The following KIF1C variants were observed in gnomAD, a reference collection of about 807,000 sequenced individuals.
KIF1C encodes the protein kinesin-like protein KIF1C.
KIF1C carries 61 observed loss-of-function variants against 126.5 expected under a neutral mutation model. The ratio of observed to expected loss-of-function variants is 0.48; its 90% CI spans 0.39 to 0.60. The LOEUF (loss-of-function observed/expected upper bound fraction) is 0.60, where lower values mean the gene tolerates loss of function less well. Among genes scored for constraint, KIF1C ranks in the 20% least tolerant of loss-of-function variants. The pLI is 0.00. For synonymous variants in KIF1C, 640 were observed against 580.6 expected (o/e 1.10, Z -1.47); for missense variants, 1,315 against 1,489.2 (o/e 0.88, Z 1.93).
chr17:5,002,149 G>A lies in KIF1C; in HGVS notation c.429+25G>A, dbSNP rs201794859. 15 of 1,606,166 alleles carry A rather than the reference G, an allele frequency of 9.3e-6. No individual in the cohort carries two copies. In the Middle Eastern group the frequency reaches 8.3e-4, roughly 89 times the overall value. ...GGTAAGCCCGGGTCTTGGTGGCAGG[G>A]CTGAGAGGGGTCCAGACTGCTGAGG... On this transcript the variant is annotated intron_variant, in intron 6 of 22. Coordinates refer to ENST00000320785, the MANE Select transcript of KIF1C (RefSeq NM_006612.6).
chr17:5,015,408 C>T (rs1372391281), intron 18 of KIF1C, among the ~76,000 whole-genome samples: 2 of 151,624 alleles, frequency 1.3e-5, no homozygotes, highest in East Asian at 1.9e-4. Flanking sequence ...CTCAGCCTCC[C>T]GAGTAGCCGG....
chr17:5,014,868 C>G (rs1342644331), intron 18 of KIF1C, 31 bp downstream of exon 18: 9 of 1,524,444 alleles, frequency 5.9e-6, no homozygotes, highest in Non-Finnish European at 8.0e-6. Flanking sequence ...AGAGGCCAGA[C>G]AGGGAGAGAG....
intron 21 of KIF1C, among the ~76,000 whole-genome samples, chr17:5,021,136 A>G (rs938744432): frequency 1.3e-5 from 2 of 149,924 alleles, no homozygotes. Context: ...ACCATATCCA[A>G]GTACCACCTG....
At position 5,022,726 on chromosome 17, in the gene KIF1C, G is replaced by A; in HGVS notation, c.2628+17G>A. ...CTGGCCCAGGTAGGACTGGCCTTCT[G>A]CCTCCCTTCTCTCCTCCCTCGGCTC... is the stretch of plus-strand genomic sequence containing the variant. On this transcript the variant is annotated intron_variant, in intron 22 of 22. Coordinates refer to ENST00000320785, the MANE Select transcript of KIF1C (RefSeq NM_006612.6). The surrounding 1 kb of genome is among the most constrained non-coding windows in gnomAD (Gnocchi z 4.9). The A allele has an allele frequency of 1.3e-6, 2 of 1,505,002 alleles. No homozygotes were observed. Among genetic ancestry groups the A allele is most frequent in the Non-Finnish European group, 1.8e-6 (2 of 1,131,022 alleles). The allele number at this position is 1,505,002 out of a possible 1,614,324, so 93.2% of individuals were successfully genotyped here. A position where few individuals can be genotyped will look rare whatever the true frequency, so the allele number is the denominator to read the frequency against.
Position 5,001,404 on chromosome 17 carries a change from A to G in KIF1C, c.363+3A>G. On this transcript the variant is annotated splice_donor_region_variant and intron_variant, in intron 5 of 22. Transcript: ENST00000320785. ...GGCAGCAGGGCATCGTGCCCCAGGT[A>G]CGCCTAGGACCTGGTGGGGCAGCCA... 6.2e-7 allele frequency: 1 copy of G among 1,613,366 alleles called. No individual in the cohort carries two copies. Among genetic ancestry groups the G allele is most frequent in the Admixed American group, 1.7e-5 (1 of 59,978 alleles).
chr17:5,013,614 T>C, intron 16 of KIF1C, 39 bp from the exon 17 acceptor site: 2 of 1,491,906 alleles, frequency 1.3e-6, no homozygotes, highest in Non-Finnish European at 1.9e-6. Context: ...ATAGCACCCC[T>C]GGCTGGCTCC....
At chr17:5,018,523 C>G (rs1567726947) in intron 18 of KIF1C, among the ~76,000 whole-genome samples, 2 of 151,704 alleles carry the variant, frequency 1.3e-5, no homozygotes, top group Non-Finnish European at 2.9e-5. Flanking sequence ...AACCCCGTCT[C>G]TACTAAAAAT....
Position 5,000,835 on chromosome 17 carries a change from G to T in KIF1C, c.170G>T (p.Trp57Leu). Residue 57 changes from tryptophan to leucine, a missense_variant, in exon 4 of 23, where the codon TGG (tryptophan) becomes TTG (leucine). Trp to Leu is a moderately conservative substitution (Grantham distance 61). Around this residue, in one of 2 missense-constraint regions of KIF1C, gnomAD observed 874 missense variants for 1,053.2 expected, o/e 0.83. Coordinates refer to ENST00000320785, the MANE Select transcript of KIF1C (RefSeq NM_006612.6). ...PKSFTFDYSY[W>L]SHTSTEDPQF... Reference sequence around the variant, plus strand: ...AGCTTCACCTTTGACTACTCCTACTGGTCACACACTTCGGTGGGTTGTTGG... The same window carrying T: ...AGCTTCACCTTTGACTACTCCTACTTGTCACACACTTCGGTGGGTTGTTGG... The T allele has an allele frequency of 6.2e-7, 1 of 1,613,972 alleles. No homozygotes were observed. The highest frequency in any genetic ancestry group is 8.5e-7 in the Non-Finnish European group (1 of 1,179,918).
At chr17:5,006,167 A>G (rs1245085482) in intron 13 of KIF1C, among the ~76,000 whole-genome samples, 1 of 149,604 alleles carries the variant, frequency 6.7e-6, no homozygotes, top group Non-Finnish European at 1.5e-5. Flanking sequence ...AGATGGAGCC[A>G]TTGCACTCCA....
chr17:5,016,955 C>T (rs150541686), intron 18 of KIF1C, among the ~76,000 whole-genome samples: 2 of 151,428 alleles, frequency 1.3e-5, no homozygotes, highest in East Asian at 1.9e-4. Flanking sequence ...GGTTCAGGGT[C>T]AGCCAATCAA....
chr17:5,024,009 AGCAC>A lies in KIF1C; in HGVS notation c.3171_3174del (p.His1058ThrfsTer29). The A allele has an allele frequency of 3.8e-6, 6 of 1,597,590 alleles. No homozygotes were observed. Among genetic ancestry groups the A allele is most frequent in the Non-Finnish European group, 5.1e-6 (6 of 1,171,742 alleles). On this transcript the variant is annotated frameshift_variant, in exon 23 of 23. Coordinates refer to ENST00000320785, the MANE Select transcript of KIF1C (RefSeq NM_006612.6). LOFTEE classifies it high-confidence loss of function. The stretch of plus-strand genomic sequence containing the variant: ...GAACCCCAGCACTTCCAGCCCAAAA[AGCAC>A]AACTCTTATCCCCAGCCACCCCAAC...
Position 5,003,683 on chromosome 17 carries a change from C to T in KIF1C, c.792C>T (p.Arg264=), listed in dbSNP as rs768097667. 2.1e-5 allele frequency: 34 copies of T among 1,613,260 alleles called. No homozygotes were observed. Among genetic ancestry groups the T allele is most frequent in the Non-Finnish European group, 2.7e-5 (32 of 1,179,588 alleles). ...RADSSGARGM[R]LKEGANINKS... is the part of the protein sequence containing the mutation. ...ACTCCTCAGGGGCCCGGGGCATGCG[C>T]CTGAAGGTGAGGGGCCTTCAGAGGG... The change falls in exon 9 of 23, where the codon CGC becomes CGT. Residue 264 remains arginine (R), a synonymous_variant. Transcript: ENST00000320785.
At chr17:5,013,541 G>A (rs1974910190) in intron 16 of KIF1C, 112 bp from the exon 17 acceptor site, 1 of 728,086 alleles carries the variant, frequency 1.4e-6, no homozygotes, top group South Asian at 1.5e-5. Context: ...GAGTGAGGGG[G>A]CGCAGCTGGC....
Position 5,024,033 on chromosome 17 carries a change from C to G in KIF1C, c.3194C>G (p.Pro1065Arg). Residue 1065 changes from proline (P) to arginine (R), a missense_variant, in exon 23 of 23, where the codon CCC becomes CGC. Physicochemically the swap from Pro to Arg is moderately radical, Grantham distance 103. This residue lies in a region of KIF1C where 441 missense variants were observed against 436.1 expected (regional missense o/e 1.01). Transcript: ENST00000320785. ...PKKHNSYPQP[P>R]QPYPAQRPPG... ...AAGCACAACTCTTATCCCCAGCCACCCCAACCCTACCCAGCCCAGCGGCCC... is the reference window on the plus strand; with the variant it reads ...AAGCACAACTCTTATCCCCAGCCACGCCAACCCTACCCAGCCCAGCGGCCC... The G allele has an allele frequency of 6.3e-7, 1 of 1,593,054 alleles. No individual in the cohort carries two copies. The highest frequency in any genetic ancestry group is 8.6e-7 in the Non-Finnish European group (1 of 1,169,310).
intron 10 of KIF1C, 32 bp from the exon 11 acceptor site, chr17:5,003,966 A>C: frequency 6.2e-7 from 1 of 1,611,378 alleles, no homozygotes; most frequent in South Asian, 1.1e-5. Context: ...GGAGTGACCC[A>C]CCCTAACCTC....
At chr17:5,003,302 C>A (rs1385206257) in intron 8 of KIF1C, among the ~76,000 whole-genome samples, 1 of 152,176 alleles carries the variant, frequency 6.6e-6, no homozygotes, top group African/African-American at 2.4e-5. Context: ...CCGCCTCAGC[C>A]TCCCAAAGTG....
Position 5,003,659 on chromosome 17 carries a change from C to T in KIF1C, c.768C>T (p.Asp256=), listed in dbSNP as rs749235969. ...LVDLAGSERA[D]SSGARGMRLK... is the part of the protein sequence containing the mutation. Reference sequence around the variant, plus strand: ...ACCTTGCTGGGAGTGAGCGAGCCGACTCCTCAGGGGCCCGGGGCATGCGCC... The same window carrying T: ...ACCTTGCTGGGAGTGAGCGAGCCGATTCCTCAGGGGCCCGGGGCATGCGCC... Residue 256 remains aspartate (D), a synonymous_variant, in exon 9 of 23, where the codon GAC becomes GAT. Coordinates refer to ENST00000320785, the MANE Select transcript of KIF1C (RefSeq NM_006612.6). The T allele has an allele frequency of 1.9e-6, 3 of 1,613,694 alleles. No individual in the cohort carries two copies. Among genetic ancestry groups the T allele is most frequent in the South Asian group, 1.1e-5 (1 of 91,022 alleles).
rs776290116 is a variant in KIF1C, at chr17:5,022,322, G to A, written c.2241G>A (p.Leu747=). 1 of 1,607,236 alleles carries A rather than the reference G, an allele frequency of 6.2e-7. No individual in the cohort carries two copies. Among genetic ancestry groups the A allele is most frequent in the Non-Finnish European group, 8.5e-7 (1 of 1,176,704 alleles). ...KDPRWATMAD[L]KMQAVKEICY... ...CCCGCTGGGCCACCATGGCTGACCT[G>A]AAGATGCAGGCGGTGAAGGAGATCT... The change falls in exon 22 of 23, where the codon CTG becomes CTA. Residue 747 remains leucine, a synonymous_variant. Transcript: ENST00000320785. The surrounding 1 kb of genome is among the most constrained non-coding windows in gnomAD (Gnocchi z 4.9).
chr17:5,020,573 T>TC lies in KIF1C; in HGVS notation c.1838dup (p.Pro614ThrfsTer7). ...GCAAGGCTGGAACGGGAACGAGGGG[T>TC]CCCCCCACCCCCAGGACCGCCCTCT... On this transcript the variant is annotated frameshift_variant, in exon 20 of 23. Coordinates refer to ENST00000320785, the MANE Select transcript of KIF1C (RefSeq NM_006612.6). LOFTEE classifies it high-confidence loss of function. The surrounding 1 kb of genome is among the most constrained non-coding windows in gnomAD (Gnocchi z 5.8). The TC allele has an allele frequency of 6.2e-7, 1 of 1,613,586 alleles. No homozygotes were observed. The highest frequency in any genetic ancestry group is 8.5e-7 in the Non-Finnish European group (1 of 1,179,854).
Sources: gnomAD v4.1 joint callset for allele counts (sites outside exome capture counted in the v4.1 genomes callset) on GRCh38, gnomAD v4.1.1 for gene constraint, gnomAD v4.1.1 regional missense constraint, Gnocchi (gnomAD v3.1) non-coding constraint, MANE v1.5 for transcripts, NCBI Gene and HGNC (gene_info 2026-07-23, HGNC 2026-07-21) for gene names.